NBPF12: variants seen among roughly 807,000 people sequenced by gnomAD.
NBPF12 encodes NBPF member 12.
In NBPF12, 115 loss-of-function variants were observed where a neutral mutation model predicts 146.4. That is an observed-to-expected ratio of 0.79 (90% CI 0.68 to 0.92). The LOEUF (loss-of-function observed/expected upper bound fraction) is 0.92. Among genes scored for constraint, NBPF12 ranks in the 40% least tolerant of loss-of-function variants. The pLI is 0.00. For missense variants in NBPF12, 1,205 were observed against 1,326.8 expected (o/e 0.91, Z 1.43); for synonymous variants, 385 against 508.9 (o/e 0.76, Z 3.28).
Position 146,958,177 on chromosome 1 carries a change from C to T in NBPF12, c.-183-1682C>T, listed in dbSNP as rs1199372512. ...ACAGGCCCTGGTGTGTGATGTTCCC[C>T]GCCCTGTGTCCAAGTGTTCTCATTG... is the stretch of plus-strand genomic sequence containing the variant. On this transcript the variant is annotated intron_variant, in intron 2 of 33. Transcript: ENST00000617844. Among the ~76,000 whole-genome samples, 704 of 115,478 alleles carry T rather than the reference C, an allele frequency of 6.1e-3. 35 individuals are homozygous for T. The highest frequency in any genetic ancestry group is 0.019 in the African/African-American group (667 of 34,860). 75.8% of individuals were successfully genotyped at this position (115,478 alleles called of 152,430 possible).
At chr1:146,945,002 CCCTTCCTTCCTCCCTCCCTCCCTT>C (rs1654973232), upstream of NBPF12, among the ~76,000 whole-genome samples, 2 of 30,008 alleles carry the variant, frequency 6.7e-5, no homozygotes, top group Admixed American at 4.7e-4. Context: ...CTCCCTCCCT[CCCTTCCTTCCTCCCTCCCTCCCTT>C]CCTTCCTCCC....
upstream of NBPF12, among the ~76,000 whole-genome samples, chr1:146,948,774 C>A (rs1655185670): frequency 1.3e-5 from 2 of 151,392 alleles, no homozygotes; most frequent in Admixed American, 1.3e-4. Context: ...GGAAGGAAGG[C>A]CTCTTTGCAG....
At chr1:146,964,254 T>C in intron 6 of NBPF12, 103 bp from the exon 10 acceptor site, 1 of 1,536,136 alleles carries the variant, frequency 6.5e-7, no homozygotes, top group South Asian at 1.1e-5. Context: ...TTCAGTACAA[T>C]GCTGAACCAT....
At chr1:146,953,103 C>T (rs1655399041) in intron 2 of NBPF12, among the ~76,000 whole-genome samples, 1 of 143,646 alleles carries the variant, frequency 7.0e-6, no homozygotes, top group South Asian at 2.2e-4. Context: ...CATGGATTTG[C>T]CCTCCCTGCT....
At chr1:146,994,380 C>T in exon 34 of NBPF12, 2 of 1,612,406 alleles carry the variant, frequency 1.2e-6, no homozygotes, top group Non-Finnish European at 1.7e-6. Flanking sequence ...TCTTGCAGGA[C>T]TCACTGGATA....
intron 2 of NBPF12, among the ~76,000 whole-genome samples, chr1:146,957,841 A>C (rs1436988337): frequency 0.015 from 1,717 of 116,968 alleles, 188 homozygotes; most frequent in African/African-American, 0.049. Flanking sequence ...AAAAAAATAT[A>C]ATATATATAT....
chr1:146,964,742 G>C (rs1285695075), intron 7 of NBPF12, 151 bp from the exon 11 acceptor site: 18 of 1,216,748 alleles, frequency 1.5e-5, no homozygotes, highest in Non-Finnish European at 1.6e-5. Flanking sequence ...GCAGAGAGAA[G>C]AGGATTGCCT....
At chr1:146,977,938 C>A (rs1311560042) in intron 18 of NBPF12, among the ~76,000 whole-genome samples, 1 of 152,044 alleles carries the variant, frequency 6.6e-6, no homozygotes, top group African/African-American at 2.4e-5. Context: ...TGTCAGGCCT[C>A]CTAACTTCCA....
chr1:146,948,804 T>A (rs1655187286), upstream of NBPF12, among the ~76,000 whole-genome samples: 1 of 150,948 alleles, frequency 6.6e-6, no homozygotes, highest in Admixed American at 6.6e-5. Context: ...GAGGAAGGCG[T>A]CTGTCTCCTG....
Position 146,964,404 on chromosome 1 carries a change from A to T in NBPF12, c.541A>T (p.Lys181Ter). ...AGATGTTCAAGTTGAGGAGGATGAG[A>T]AAGTACTGGAATCATCTGCCCCCAG... Residue 181 changes from lysine to a stop codon, truncating the protein, a stop_gained, in exon 7 of 34, where the codon AAA (lysine) becomes TAA (stop). Coordinates refer to ENST00000617844, the Ensembl canonical transcript of NBPF12. LOFTEE classifies it high-confidence loss of function. The T allele has an allele frequency of 1.2e-6, 2 of 1,601,918 alleles. No homozygotes were observed. Among genetic ancestry groups the T allele is most frequent in the East Asian group, 2.2e-5 (1 of 44,838 alleles).
At chr1:146,964,062 A>T (rs1570843273) in intron 6 of NBPF12, among the ~76,000 whole-genome samples, 1 of 131,428 alleles carries the variant, frequency 7.6e-6, no homozygotes, top group East Asian at 2.3e-4. Context: ...CTGTGGCAGG[A>T]TGGGGGAGAC....
At chr1:146,960,999 A>G (rs1349731682) in intron 4 of NBPF12, among the ~76,000 whole-genome samples, 1 of 152,080 alleles carries the variant, frequency 6.6e-6, no homozygotes, top group Non-Finnish European at 1.5e-5. Context: ...TACAAAAAGT[A>G]GATGGGCGTC....
chr1:146,976,727 ATGG>A (rs1657058783), intron 16 of NBPF12, among the ~76,000 whole-genome samples, 199 bp from the exon 20 acceptor site: 1 of 151,432 alleles, frequency 6.6e-6, no homozygotes, highest in South Asian at 2.1e-4. Context: ...CCACATCTTG[ATGG>A]TGGCCCTCCA....
rs1283909210 is a variant in NBPF12 at position 146,977,364 on chromosome 1, A to G, written c.2193-102A>G. Reference sequence around the variant, plus strand: ...GGGAACGTCCATTTTGCTTTCTGGGACCACTCTCTTAATGCCGCCTGTCAA... The same window carrying G: ...GGGAACGTCCATTTTGCTTTCTGGGGCCACTCTCTTAATGCCGCCTGTCAA... On this transcript the variant is annotated intron_variant, in intron 17 of 33. Coordinates refer to ENST00000617844, the Ensembl canonical transcript of NBPF12. The G allele has an allele frequency of 5.0e-6, 4 of 803,558 alleles. No individual in the cohort carries two copies. In the East Asian group the frequency reaches 1.0e-4, roughly 21 times the overall value. 49.8% of individuals were successfully genotyped at this position (803,558 alleles called of 1,614,324 possible). A position where few individuals can be genotyped will look rare whatever the true frequency, so the allele number is the denominator to read the frequency against.
intron 16 of NBPF12, 144 bp from the exon 20 acceptor site, chr1:146,976,785 C>A: frequency 1.7e-6 from 1 of 573,944 alleles, no homozygotes. Flanking sequence ...CATGCCAGGG[C>A]ATTCTGTTAA....
chr1:146,945,551 G>GCCAA (rs1191285015), upstream of NBPF12, among the ~76,000 whole-genome samples: 4 of 151,600 alleles, frequency 2.6e-5, no homozygotes, highest in African/African-American at 7.3e-5. Context: ...GCACTTCAAT[G>GCCAA]CCAAGTACTA....
rs1470086240 is a variant in NBPF12 at position 146,963,429 on chromosome 1, C to T, written c.493+120C>T. ...TTTTTTTCTACTACACATATGTGGC[C>T]ATGACATGATCAGGACTTCCTGGGT... is the stretch of plus-strand genomic sequence containing the variant. On this transcript the variant is annotated intron_variant, in intron 6 of 33. Transcript: ENST00000617844. The T allele has an allele frequency of 1.1e-5, 17 of 1,593,756 alleles. No individual in the cohort carries two copies. The African/African-American group carries it at 2.0e-4, about 19-fold the overall frequency.
At chr1:146,962,068 C>G in intron 4 of NBPF12, 93 bp from the exon 8 acceptor site, 1 of 1,121,020 alleles carries the variant, frequency 8.9e-7, no homozygotes, top group Non-Finnish European at 1.3e-6. Context: ...AGAGTTTTGT[C>G]CTTGGGATGG....
At chr1:146,945,386 G>A (rs1264977761), upstream of NBPF12, among the ~76,000 whole-genome samples, 26 of 151,300 alleles carry the variant, frequency 1.7e-4, no homozygotes, top group East Asian at 5.2e-3. Context: ...CCACCTAGAT[G>A]GTTTGCACCT....
Sources: allele counts gnomAD v4.1 joint callset (sites outside exome capture counted in the v4.1 genomes callset), GRCh38; gene constraint gnomAD v4.1.1; transcripts MANE v1.5; gene names NCBI Gene and HGNC (gene_info 2026-07-23, HGNC 2026-07-21).